MTHFD1L: variants seen among roughly 807,000 people sequenced by gnomAD.
MTHFD1L encodes methylenetetrahydrofolate dehydrogenase (NADP+ dependent) 1 like.
Under a neutral mutation model 119.5 loss-of-function variants are expected in MTHFD1L, and 81 were observed. The ratio of observed to expected loss-of-function variants is 0.68; its 90% CI spans 0.57 to 0.82. The LOEUF is 0.82. Ranked by LOEUF, MTHFD1L falls within the 40% of genes least tolerant of loss-of-function variation. The probability of loss-of-function intolerance (pLI) is 0.00; values close to 1 mark genes in which losing one functional copy is unlikely to be tolerated. For synonymous variants in MTHFD1L, 430 were observed against 475.2 expected (o/e 0.90, Z 1.24); for missense variants, 1,125 against 1,253.4 (o/e 0.90, Z 1.55).
chr6:150,980,168 C>T (rs1777239163), intron 20 of MTHFD1L, among the ~76,000 whole-genome samples: 1 of 152,130 alleles, frequency 6.6e-6, no homozygotes, highest in Non-Finnish European at 1.5e-5. Flanking sequence ...GAAGTGCTGG[C>T]TTATTAGAGA....
intron 27 of MTHFD1L, among the ~76,000 whole-genome samples, chr6:151,101,053 G>A (rs993062185): frequency 6.6e-6 from 1 of 152,096 alleles, no homozygotes; most frequent in Non-Finnish European, 1.5e-5. Flanking sequence ...CAGCTACTCC[G>A]GAGGCTGTGG....
chr6:151,002,842 A>AGCTGTCGGCGCC (rs1219927304), intron 20 of MTHFD1L, among the ~76,000 whole-genome samples: 1 of 152,192 alleles, frequency 6.6e-6, no homozygotes, highest in Non-Finnish European at 1.5e-5. Flanking sequence ...AGCCACTGCA[A>AGCTGTCGGCGCC]GCTGTCGGCG....
At chr6:151,001,944 G>A (rs1339846136) in intron 20 of MTHFD1L, among the ~76,000 whole-genome samples, 1 of 152,126 alleles carries the variant, frequency 6.6e-6, no homozygotes, top group Non-Finnish European at 1.5e-5. Context: ...AAGGGAGGGT[G>A]GGTGGAAAGG....
intron 1 of MTHFD1L, among the ~76,000 whole-genome samples, chr6:150,875,631 C>T (rs1780313371): frequency 6.6e-6 from 1 of 151,930 alleles, no homozygotes; most frequent in Non-Finnish European, 1.5e-5. Context: ...ACTTCTTGTC[C>T]AACAGTGAGC....
intron 1 of MTHFD1L, among the ~76,000 whole-genome samples, chr6:150,870,994 C>A (rs1779344234): frequency 7.0e-6 from 1 of 141,968 alleles, no homozygotes; most frequent in African/African-American, 2.6e-5. Context: ...ATATAATATA[C>A]CTTAATTATA....
chr6:151,042,893 C>T (rs879388001), intron 26 of MTHFD1L, among the ~76,000 whole-genome samples: 2 of 151,980 alleles, frequency 1.3e-5, no homozygotes, highest in Non-Finnish European at 2.9e-5. Flanking sequence ...GTAAATAGGG[C>T]GATGATAAAC....
chr6:150,986,889 A>T (rs1778381020), intron 20 of MTHFD1L, among the ~76,000 whole-genome samples: 3 of 152,014 alleles, frequency 2.0e-5, no homozygotes, highest in African/African-American at 7.2e-5. Context: ...TTTAGTAGAG[A>T]CTGAGTTTCA....
intron 19 of MTHFD1L, among the ~76,000 whole-genome samples, chr6:150,966,828 A>G (rs1797281175): frequency 6.6e-6 from 1 of 152,130 alleles, no homozygotes; most frequent in South Asian, 2.1e-4. Context: ...TTATCTTTTA[A>G]AAAAAGGGAA....
chr6:150,980,620 A>C (rs1327136529), intron 20 of MTHFD1L, among the ~76,000 whole-genome samples: 1 of 151,300 alleles, frequency 6.6e-6, no homozygotes, highest in South Asian at 2.1e-4. Context: ...GCGCATGCCT[A>C]TAGTCCTAGC....
intron 19 of MTHFD1L, among the ~76,000 whole-genome samples, chr6:150,968,158 G>C (rs1165483136): frequency 1.3e-5 from 2 of 151,956 alleles, no homozygotes; most frequent in Admixed American, 1.3e-4. Flanking sequence ...TGCTGTCATT[G>C]CAGTACATGG....
chr6:151,064,578 G>A (rs898339486), intron 26 of MTHFD1L, among the ~76,000 whole-genome samples: 1 of 152,194 alleles, frequency 6.6e-6, no homozygotes, highest in South Asian at 2.1e-4. Context: ...CTCCCAAAGT[G>A]CTGGAATTAT....
At chr6:151,054,585 T>C (rs1789592255) in intron 26 of MTHFD1L, among the ~76,000 whole-genome samples, 1 of 152,102 alleles carries the variant, frequency 6.6e-6, no homozygotes, top group Non-Finnish European at 1.5e-5. Context: ...AAACAAAAAC[T>C]CGGCCAGCAG....
rs1196499238 is a variant in MTHFD1L at position 150,949,174 on chromosome 6, G to A, written c.1726+41G>A. ...ATGCCAGCAGGCTGATGGCCAGGTG[G>A]GGAGGCGTGTTCGAGCCGAAGCGCT... On this transcript the variant is annotated intron_variant, in intron 16 of 27. Coordinates refer to ENST00000367321, the MANE Select transcript of MTHFD1L (RefSeq NM_015440.5). 1.9e-6 allele frequency: 3 copies of A among 1,545,840 alleles called. No individual in the cohort carries two copies. In the African/African-American group the frequency reaches 4.1e-5, roughly 21 times the overall value.
intron 7 of MTHFD1L, among the ~76,000 whole-genome samples, chr6:150,894,389 C>G (rs909013835): frequency 1.3e-5 from 2 of 152,116 alleles, no homozygotes; most frequent in African/African-American, 2.4e-5. Flanking sequence ...TCTGTGAGGT[C>G]TCCCAGCCGA....
chr6:150,887,232 C>A lies in MTHFD1L; in HGVS notation c.644-613C>A, dbSNP rs1316401987. 2.0e-5 allele frequency among the ~76,000 whole-genome samples: 3 copies of A among 151,988 alleles called. 1 individual carries two copies. The South Asian group carries it at 6.2e-4, about 32-fold the overall frequency. On this transcript the variant is annotated intron_variant, in intron 6 of 27. Coordinates refer to ENST00000367321, the MANE Select transcript of MTHFD1L (RefSeq NM_015440.5). ...ATAATCCATATATACAGTGCTTTTT[C>A]ATTACGTGGATTATCAAGATGAAGA...
intron 7 of MTHFD1L, among the ~76,000 whole-genome samples, chr6:150,896,959 AAAAC>A (rs1784333443): frequency 6.6e-6 from 1 of 151,944 alleles, no homozygotes; most frequent in Non-Finnish European, 1.5e-5. Context: ...AAAAAATACA[AAAAC>A]AAAATTAGCA....
rs376976446 is a variant in MTHFD1L, at chr6:150,905,944, G to T, written c.892+183G>T. Among the ~76,000 whole-genome samples the T allele has an allele frequency of 8.2e-4, 125 of 152,324 alleles. 8 individuals carry two copies. In the South Asian group the frequency reaches 0.025, roughly 31 times the overall value. On this transcript the variant is annotated intron_variant, in intron 8 of 27. Transcript: ENST00000367321. Reference sequence around the variant, plus strand: ...ATGCTGTTGAGCAAAGAGAGACCAAGATGGCGGTTGAGGTGTCTGCTCCCA... The same window carrying T: ...ATGCTGTTGAGCAAAGAGAGACCAATATGGCGGTTGAGGTGTCTGCTCCCA...
chr6:151,014,834 G>A (rs2128490219), intron 22 of MTHFD1L, 46 bp from the exon 23 acceptor site: 1 of 1,499,514 alleles, frequency 6.7e-7, no homozygotes, highest in East Asian at 2.3e-5. Context: ...GGTTTGGTGG[G>A]AGACAATACA....
At chr6:151,006,028 T>A (rs919691622) in intron 20 of MTHFD1L, among the ~76,000 whole-genome samples, 1 of 152,102 alleles carries the variant, frequency 6.6e-6, no homozygotes, top group Non-Finnish European at 1.5e-5. Flanking sequence ...TCCCATCCTG[T>A]TTTTTCATTG....
Sources: gnomAD v4.1 joint callset for allele counts (sites outside exome capture counted in the v4.1 genomes callset) on GRCh38, gnomAD v4.1.1 for gene constraint, MANE v1.5 for transcripts, NCBI Gene and HGNC (gene_info 2026-07-23, HGNC 2026-07-21) for gene names.